SPATA31H1: variants seen among roughly 807,000 people sequenced by gnomAD.
SPATA31H1 encodes SPATA31 subfamily H member 1.
At chr2:27,581,506 G>T in the SPATA31H1 span, 1 of 1,580,566 alleles carries the variant, frequency 6.3e-7, no homozygotes, top group Non-Finnish European at 8.7e-7. Flanking sequence ...TCTCAGAGAA[G>T]ACATCACAGT....
the SPATA31H1 span, chr2:27,580,185 A>G: frequency 6.2e-7 from 1 of 1,614,110 alleles, no homozygotes; most frequent in Admixed American, 1.7e-5. Context: ...TAAAATCTAT[A>G]CTCAAGCTTC....
the SPATA31H1 span, chr2:27,576,290 T>G: frequency 2.3e-6 from 1 of 434,910 alleles, no homozygotes; most frequent in Non-Finnish European, 4.1e-6. Flanking sequence ...GTGAACTGAC[T>G]CCAGGGACAA....
the SPATA31H1 span, chr2:27,578,510 T>C: frequency 6.2e-7 from 1 of 1,614,100 alleles, no homozygotes; most frequent in Non-Finnish European, 8.5e-7. Context: ...TGATAGTACC[T>C]GCAGAATTAA....
chr2:27,579,999 TATC>T, the SPATA31H1 span: 2 of 1,614,168 alleles, frequency 1.2e-6, no homozygotes, highest in Admixed American at 3.3e-5. Context: ...TTCGGGGCCT[TATC>T]TTCTTATCTA....
the SPATA31H1 span, among the ~76,000 whole-genome samples, chr2:27,542,173 G>A: frequency 3.3e-5 from 5 of 152,120 alleles, no homozygotes; most frequent in Admixed American, 6.5e-5. Context: ...AAGGCAGGTG[G>A]ATCACTTGAG....
chr2:27,570,701 A>G, the SPATA31H1 span: 15 of 398,866 alleles, frequency 3.8e-5, no homozygotes, highest in Non-Finnish European at 4.9e-5. Context: ...CCCCAGGGCC[A>G]AAGATGCAAG....
the SPATA31H1 span, among the ~76,000 whole-genome samples, chr2:27,548,007 A>T: frequency 5.6e-4 from 70 of 125,456 alleles, no homozygotes; most frequent in Non-Finnish European, 9.1e-4. Context: ...TTTGAGATAG[A>T]GTCTTGCTCT....
At chr2:27,547,980 T>C in the SPATA31H1 span, among the ~76,000 whole-genome samples, 1 of 36,600 alleles carries the variant, frequency 2.7e-5, no homozygotes, top group Non-Finnish European at 6.2e-5. Context: ...TAGTAATTTC[T>C]TTTTTTTTTT....
At chr2:27,573,807 G>C in the SPATA31H1 span, 3 of 398,400 alleles carry the variant, frequency 7.5e-6, no homozygotes, top group Non-Finnish European at 1.3e-5. Flanking sequence ...GAAATCTGGA[G>C]TATTAAGCCA....
the SPATA31H1 span, among the ~76,000 whole-genome samples, chr2:27,544,529 A>AT: frequency 0.25 from 31,609 of 125,064 alleles, 4,801 homozygotes; most frequent in East Asian, 0.46. Flanking sequence ...GTTGACAACA[A>AT]TTTTTTTTTT....
chr2:27,579,228 A>G, the SPATA31H1 span: 1 of 1,614,228 alleles, frequency 6.2e-7, no homozygotes, highest in Non-Finnish European at 8.5e-7. Context: ...GCGACTACCA[A>G]GAAAATATCT....
chr2:27,579,870 A>G, the SPATA31H1 span: 10 of 1,614,062 alleles, frequency 6.2e-6, 1 homozygote, highest in South Asian at 1.1e-4. Flanking sequence ...ACTCTTAAGG[A>G]GTCAAATACC....
At chr2:27,543,051 C>CCACTG in the SPATA31H1 span, among the ~76,000 whole-genome samples, 1 of 151,912 alleles carries the variant, frequency 6.6e-6, no homozygotes, top group African/African-American at 2.4e-5. Flanking sequence ...CAAGATCGTC[C>CCACTG]CACTGCACTG....
chr2:27,568,726 T>C, the SPATA31H1 span: 3 of 398,882 alleles, frequency 7.5e-6, no homozygotes, highest in South Asian at 1.3e-4. Flanking sequence ...TCTGAGAAGG[T>C]AGCCCCAGTA....
At chr2:27,566,904 C>A in the SPATA31H1 span, 1 of 717,562 alleles carries the variant, frequency 1.4e-6, no homozygotes, top group Non-Finnish European at 2.6e-6. Context: ...TGACTCCAGT[C>A]TGTCTCATCT....
At chr2:27,544,381 CACA>C in the SPATA31H1 span, among the ~76,000 whole-genome samples, 1 of 151,984 alleles carries the variant, frequency 6.6e-6, no homozygotes, top group Non-Finnish European at 1.5e-5. Flanking sequence ...TCTGCTCAGA[CACA>C]ACCTCTATTC....
chr2:27,552,524 G>C, the SPATA31H1 span, among the ~76,000 whole-genome samples: 1 of 151,966 alleles, frequency 6.6e-6, no homozygotes, highest in Non-Finnish European at 1.5e-5. Flanking sequence ...GGAAGTATGA[G>C]TCCTCCAACT....
chr2:27,567,799 C>T, the SPATA31H1 span: 1 of 399,022 alleles, frequency 2.5e-6, no homozygotes, highest in African/African-American at 2.1e-5. Context: ...GTGGAGTTGA[C>T]CCCAAGGCTA....
At chr2:27,579,461 T>C in the SPATA31H1 span, 1 of 1,614,224 alleles carries the variant, frequency 6.2e-7, no homozygotes, top group Non-Finnish European at 8.5e-7. Context: ...TTCAGAGACA[T>C]ACTTTTTATC....
Sources: gnomAD v4.1 joint callset for allele counts (sites outside exome capture counted in the v4.1 genomes callset) on GRCh38, gnomAD v4.1.1 for gene constraint, MANE v1.5 for transcripts, NCBI Gene and HGNC (gene_info 2026-07-23, HGNC 2026-07-21) for gene names.